Variants in COQ3 observed in about 807,000 individuals in gnomAD.
The protein encoded by COQ3 is ubiquinone biosynthesis O-methyltransferase, mitochondrial.
A neutral mutation model predicts 33.1 loss-of-function variants in COQ3; 29 were observed. The ratio of observed to expected loss-of-function variants is 0.88; its 90% CI spans 0.65 to 1.19. The LOEUF (loss-of-function observed/expected upper bound fraction) is 1.19. Among genes scored for constraint, COQ3 ranks in the 50% most tolerant of loss-of-function variants. The pLI is 0.00. For synonymous variants in COQ3, 173 were observed against 157.8 expected, an observed-to-expected ratio of 1.10 and a Z score of -0.72; for missense variants, 437 against 430.7, an observed-to-expected ratio of 1.01 and a Z score of -0.13.
intron 1 of COQ3, 105 bp from the exon 2 acceptor site, chr6:99,383,929 C>T: frequency 1.1e-6 from 1 of 889,378 alleles, no homozygotes; most frequent in Non-Finnish European, 1.6e-6. Flanking sequence ...ATTTTATAGT[C>T]TTGCTCTGCC....
At chr6:99,392,041 A>G (rs1050175092) in intron 1 of COQ3, among the ~76,000 whole-genome samples, 1 of 151,714 alleles carries the variant, frequency 6.6e-6, no homozygotes, top group Non-Finnish European at 1.5e-5. Flanking sequence ...AATAAAAACC[A>G]CTCTACCACC....
At chr6:99,392,355 T>C (rs967090790) in intron 1 of COQ3, among the ~76,000 whole-genome samples, 5 of 152,336 alleles carry the variant, frequency 3.3e-5, no homozygotes, top group African/African-American at 9.6e-5. Flanking sequence ...TCCCACATTC[T>C]ATGTAGACAG....
At position 99,380,261 on chromosome 6, in the gene COQ3, T is replaced by C; in HGVS notation, c.314A>G (p.His105Arg). The change falls in exon 3 of 7, where the codon CAC (histidine) becomes CGC (arginine). Residue 105 changes from histidine (H) to arginine (R), a missense_variant. By Grantham distance (29) the His-to-Arg change is conservative (BLOSUM62 0). Transcript: ENST00000254759. ...GEVKTFLALAHKWWDEQGVYA... is the reference protein window; with the variant it reads ...GEVKTFLALARKWWDEQGVYA... Reference sequence around the variant, plus strand: ...TACTCCTTGTTCATCCCACCATTTGTGAGCCAGGGCCAAGAAGGTTTTTAC... The same window carrying C: ...TACTCCTTGTTCATCCCACCATTTGCGAGCCAGGGCCAAGAAGGTTTTTAC... The C allele has an allele frequency of 1.2e-6, 2 of 1,614,152 alleles. No individual in the cohort carries two copies. Among genetic ancestry groups the C allele is most frequent in the Non-Finnish European group, 8.5e-7 (1 of 1,180,012 alleles).
At chr6:99,375,801 C>G in intron 5 of COQ3, 139 bp downstream of exon 5, 1 of 819,784 alleles carries the variant, frequency 1.2e-6, no homozygotes, top group Non-Finnish European at 1.9e-6. Context: ...ATGCTGTCCC[C>G]TCATCCAGGC....
intron 5 of COQ3, among the ~76,000 whole-genome samples, chr6:99,373,121 C>G (rs1774187799): frequency 6.6e-6 from 1 of 152,118 alleles, no homozygotes; most frequent in African/African-American, 2.4e-5. Flanking sequence ...ATTGCAACTT[C>G]AAACTCTAAA....
At chr6:99,380,519 T>G (rs1774443799) in intron 2 of COQ3, among the ~76,000 whole-genome samples, 178 bp from the exon 3 acceptor site, 1 of 152,150 alleles carries the variant, frequency 6.6e-6, no homozygotes, top group Non-Finnish European at 1.5e-5. Flanking sequence ...TATAAATACA[T>G]CTATTCACAG....
At chr6:99,374,153 T>C (rs1249551797) in intron 5 of COQ3, among the ~76,000 whole-genome samples, 1 of 149,848 alleles carries the variant, frequency 6.7e-6, no homozygotes, top group African/African-American at 2.5e-5. Context: ...ATTAATAAAA[T>C]TTAACGAGCT....
rs1774504002 is a variant in COQ3, at chr6:99,382,576, G to A, written c.233+1122C>T. Among the ~76,000 whole-genome samples the A allele has an allele frequency of 2.0e-5, 3 of 152,144 alleles. No individual in the cohort carries two copies. The South Asian group carries it at 6.2e-4, about 32-fold the overall frequency. On this transcript the variant is annotated intron_variant, in intron 2 of 6. Coordinates refer to ENST00000254759, the MANE Select transcript of COQ3 (RefSeq NM_017421.4). ...ACTAATTTACAATAGGTAACAGTAGGTGGTTGCTCATTTGACTAAGAATGA... is the reference window on the plus strand; with the variant it reads ...ACTAATTTACAATAGGTAACAGTAGATGGTTGCTCATTTGACTAAGAATGA...
At chr6:99,371,633 T>A (rs1264251829) in intron 5 of COQ3, 46 bp from the exon 6 acceptor site, 1 of 1,325,292 alleles carries the variant, frequency 7.5e-7, no homozygotes, top group Non-Finnish European at 1.0e-6. Flanking sequence ...AAAGACTAAG[T>A]GTATCACTTA....
intron 1 of COQ3, among the ~76,000 whole-genome samples, chr6:99,388,119 G>A (rs904173434): frequency 5.3e-5 from 8 of 151,810 alleles, no homozygotes; most frequent in Admixed American, 1.3e-4. Flanking sequence ...AGCAGAGGTC[G>A]CACCATTGCA....
intron 2 of COQ3, among the ~76,000 whole-genome samples, chr6:99,382,039 T>C (rs1774489203): frequency 6.6e-6 from 1 of 152,234 alleles, no homozygotes; most frequent in South Asian, 2.1e-4. Flanking sequence ...CATGGGGCTA[T>C]GTGATTATCT....
chr6:99,393,192 CT>C (rs779223957), intron 1 of COQ3, among the ~76,000 whole-genome samples: 2,297 of 143,232 alleles, frequency 0.016, 44 homozygotes, highest in African/African-American at 0.045. Flanking sequence ...TGATTTGTAA[CT>C]TTTTTTTTTT....
chr6:99,383,722 C>T lies in COQ3; in HGVS notation c.209G>A (p.Cys70Tyr), dbSNP rs970040638. 3 of 1,596,416 alleles carry T rather than the reference C, an allele frequency of 1.9e-6. No individual in the cohort carries two copies. Among genetic ancestry groups the T allele is most frequent in the Non-Finnish European group, 2.6e-6 (3 of 1,174,404 alleles). The change falls in exon 2 of 7, where the codon TGT becomes TAT. Residue 70 changes from cysteine to tyrosine, a missense_variant. By Grantham distance (194) the Cys-to-Tyr change is radical. Coordinates refer to ENST00000254759, the MANE Select transcript of COQ3 (RefSeq NM_017421.4). ...CCTGAAACTCTTTATTCTGTTCAAA[C>T]AGGAAAAGATCGTCCTGTAGGATTT... is the stretch of plus-strand genomic sequence containing the variant. ...WFKSYRTIFS[C>Y]LNRIKSFRYP...
At chr6:99,391,236 C>G (rs1774820066) in intron 1 of COQ3, among the ~76,000 whole-genome samples, 1 of 151,566 alleles carries the variant, frequency 6.6e-6, no homozygotes, top group South Asian at 2.1e-4. Flanking sequence ...GTAGCGAGGT[C>G]CACAGAAGCA....
At chr6:99,377,008 GTGTGTGTGTGTGTGTA>G (rs988182261) in intron 4 of COQ3, among the ~76,000 whole-genome samples, 1 of 147,718 alleles carries the variant, frequency 6.8e-6, no homozygotes, top group Non-Finnish European at 1.5e-5. Context: ...GTGTGTGTGT[GTGTGTGTGTGTGTGTA>G]TGTGTGACAG....
intron 1 of COQ3, among the ~76,000 whole-genome samples, chr6:99,386,521 T>G (rs555593828): frequency 2.1e-4 from 32 of 152,182 alleles, no homozygotes; most frequent in Non-Finnish European, 3.7e-4. Context: ...AACCTGAAGT[T>G]AATTCACCGC....
intron 5 of COQ3, among the ~76,000 whole-genome samples, chr6:99,375,014 G>A (rs1047754114): frequency 2.2e-5 from 3 of 135,502 alleles, no homozygotes; most frequent in South Asian, 2.3e-4. Flanking sequence ...AGACAGTTTC[G>A]CTCTTGTTGC....
intron 3 of COQ3, among the ~76,000 whole-genome samples, chr6:99,379,207 T>C (rs918616214): frequency 1.3e-5 from 2 of 152,092 alleles, no homozygotes; most frequent in Admixed American, 1.3e-4. Context: ...AGAAATTACT[T>C]ACCTAGAAAT....
intron 1 of COQ3, among the ~76,000 whole-genome samples, chr6:99,386,265 G>T (rs995990697): frequency 1.3e-5 from 2 of 151,804 alleles, no homozygotes; most frequent in African/African-American, 4.8e-5. Flanking sequence ...GCCTATCTCT[G>T]CTAAAAATAC....
Sources: gnomAD v4.1 joint callset for allele counts (sites outside exome capture counted in the v4.1 genomes callset) on GRCh38, gnomAD v4.1.1 for gene constraint, MANE v1.5 for transcripts, NCBI Gene and HGNC (gene_info 2026-07-23, HGNC 2026-07-21) for gene names.